GAS6: variants seen among roughly 807,000 people sequenced by gnomAD.
The protein encoded by GAS6 is growth arrest-specific protein 6.
Under a neutral mutation model 75.8 loss-of-function variants are expected in GAS6, and 41 were observed. The ratio of observed to expected loss-of-function variants is 0.54; its 90% CI spans 0.42 to 0.70. GAS6 has a LOEUF of 0.70. Among genes scored for constraint, GAS6 ranks in the 30% least tolerant of loss-of-function variants. The pLI is 0.00. For synonymous variants in GAS6, 432 were observed against 412.6 expected (o/e 1.05, Z -0.57); for missense variants, 854 against 940.2 (o/e 0.91, Z 1.20).
Position 113,863,391 on chromosome 13 carries a change from G to A in GAS6, c.255+184C>T, listed in dbSNP as rs1047239496. On this transcript the variant is annotated intron_variant, in intron 2 of 14. Transcript: ENST00000327773. The surrounding 1 kb of genome is among the most constrained non-coding windows in gnomAD (Gnocchi z 9.4). ...GCCCCGCAGCGTCTCACCGGCCTGC[G>A]CGGGGATCCCGGGGTCGCCGGGGGA... 5.9e-5 allele frequency among the ~76,000 whole-genome samples: 9 copies of A among 152,162 alleles called. No homozygotes were observed. Among genetic ancestry groups the A allele is most frequent in the African/African-American group, 1.9e-4 (8 of 41,460 alleles).
At chr13:113,861,447 C>T (rs1316895461) in intron 2 of GAS6, among the ~76,000 whole-genome samples, 1 of 152,228 alleles carries the variant, frequency 6.6e-6, no homozygotes, top group African/African-American at 2.4e-5. Flanking sequence ...AGGCCACAGC[C>T]CTTTTCCTCA....
chr13:113,830,146 T>A (rs2138627515), intron 10 of GAS6, among the ~76,000 whole-genome samples: 1 of 152,366 alleles, frequency 6.6e-6, no homozygotes, highest in East Asian at 1.9e-4. Flanking sequence ...CAGAAGAATA[T>A]CCTTCTTCCT....
chr13:113,852,397 G>A (rs1281649557), intron 2 of GAS6, among the ~76,000 whole-genome samples: 1 of 152,190 alleles, frequency 6.6e-6, no homozygotes, highest in South Asian at 2.1e-4. Flanking sequence ...CCCTGACTGT[G>A]CCCGTTGCCC....
In GAS6 at chr13:113,823,563, C is replaced by T. The variant is rs766380178; in HGVS notation, c.1478-13G>A. ...AGAGGGGTCCGCACTGCAATGAAAG[C>T]GGTGCATTATAGGGTGGTATGCACG... On this transcript the variant is annotated splice_polypyrimidine_tract_variant and intron_variant, in intron 12 of 14. Transcript: ENST00000327773. The T allele has an allele frequency of 1.7e-4, 268 of 1,604,490 alleles. No individual in the cohort carries two copies. Among genetic ancestry groups the T allele is most frequent in the Non-Finnish European group, 2.1e-4 (248 of 1,174,612 alleles).
Position 113,821,197 on chromosome 13 carries a change from A to C in GAS6, c.1883-179T>G, listed in dbSNP as rs1414416823. ...TTGGCCGCAGACCCGGCAGACAAGC[A>C]GGAGGCATCTGCCAGCCTGGGCTCT... On this transcript the variant is annotated intron_variant, in intron 14 of 14. Coordinates refer to ENST00000327773, the MANE Select transcript of GAS6 (RefSeq NM_000820.4). 1.7e-5 allele frequency: 11 copies of C among 650,180 alleles called. No homozygotes were observed. In the Admixed American group the frequency reaches 3.0e-4, roughly 18 times the overall value. The allele number at this position is 650,180 out of a possible 1,614,324, so 40.3% of individuals were successfully genotyped here.
rs1276755111 is a variant in GAS6 at position 113,820,722 on chromosome 13, A to G, written c.*142T>C. 2 of 1,004,746 alleles carry G rather than the reference A, an allele frequency of 2.0e-6. No individual in the cohort carries two copies. Among genetic ancestry groups the G allele is most frequent in the Non-Finnish European group, 2.8e-6 (2 of 706,864 alleles). 62.2% of individuals were successfully genotyped at this position (1,004,746 alleles called of 1,614,324 possible). A position where few individuals can be genotyped will look rare whatever the true frequency, so the allele number is the denominator to read the frequency against. On this transcript the variant is annotated 3_prime_UTR_variant, in exon 15 of 15. Coordinates refer to ENST00000327773, the MANE Select transcript of GAS6 (RefSeq NM_000820.4). ...GCGTCAGAGGCCCCAAGTCCATCTCACTATTTACAGATATGTTACAGGCCG... is the reference window on the plus strand; with the variant it reads ...GCGTCAGAGGCCCCAAGTCCATCTCGCTATTTACAGATATGTTACAGGCCG...
chr13:113,832,218 G>A (rs539375571), intron 10 of GAS6, 81 bp downstream of exon 10: 797 of 1,454,040 alleles, frequency 5.5e-4, no homozygotes, highest in Non-Finnish European at 7.1e-4. Flanking sequence ...ATCTCCTAAC[G>A]GTTGCATAAG....
chr13:113,858,388 AGTGT>A (rs761909539), intron 2 of GAS6, among the ~76,000 whole-genome samples: 32 of 149,240 alleles, frequency 2.1e-4, no homozygotes, highest in Non-Finnish European at 4.3e-4. Context: ...CATGTCTGTC[AGTGT>A]GTGTGACTGT....
At chr13:113,827,948 T>C (rs552165093) in intron 11 of GAS6, among the ~76,000 whole-genome samples, 23 of 152,280 alleles carry the variant, frequency 1.5e-4, no homozygotes, top group African/African-American at 5.5e-4. Flanking sequence ...AAAATGTTCT[T>C]GGAAATTGTC....
chr13:113,839,744 G>A lies in GAS6; in HGVS notation c.450C>T (p.Gly150=), dbSNP rs775709016. ...CTCACGTACCTTTGTCGCAGAGCCG[G>A]CCCCCCCAGCCAGCTTTACACAGGC... ...FFCLCKAGWG[G]RLCDKDVNEC... is the part of the protein sequence containing the mutation. The change falls in exon 5 of 15, where the codon GGC becomes GGT. Residue 150 remains glycine, a synonymous_variant. Coordinates refer to ENST00000327773, the MANE Select transcript of GAS6 (RefSeq NM_000820.4). 2 of 1,613,516 alleles carry A rather than the reference G, an allele frequency of 1.2e-6. No individual in the cohort carries two copies. Among genetic ancestry groups the A allele is most frequent in the South Asian group, 2.2e-5 (2 of 91,062 alleles).
chr13:113,823,778 A>G (rs2051493615), intron 12 of GAS6, among the ~76,000 whole-genome samples: 1 of 152,118 alleles, frequency 6.6e-6, no homozygotes, highest in Admixed American at 6.5e-5. Flanking sequence ...CCAGTACCCC[A>G]CTTCCAAATG....
chr13:113,857,596 G>C (rs1230635834), intron 2 of GAS6, among the ~76,000 whole-genome samples: 2 of 152,184 alleles, frequency 1.3e-5, no homozygotes, highest in Non-Finnish European at 2.9e-5. Context: ...CCTGTCAATC[G>C]CTCTGGGGTA....
chr13:113,846,700 G>T, intron 3 of GAS6, 111 bp from the exon 4 acceptor site: 1 of 832,208 alleles, frequency 1.2e-6, no homozygotes, highest in Non-Finnish European at 2.0e-6. Flanking sequence ...TACCTGGGGT[G>T]CTATCATCCT....
At position 113,838,174 on chromosome 13, in the gene GAS6, G is replaced by T. The variant is rs1371790339; in HGVS notation, c.484C>A (p.Gln162Lys). The change falls in exon 6 of 15, where the codon CAG (glutamine) becomes AAG (lysine). Residue 162 changes from glutamine (Q) to lysine (K), a missense_variant. Physicochemically the swap from Gln to Lys is moderately conservative, Grantham distance 53 (BLOSUM62 1). Transcript: ENST00000327773. ...ATCTGGAGGCAGCCCCCGTTCTCCT[G>T]GCTGCATTCGTTGACATCTGGGAAC... Reference protein sequence around the residue: ...LCDKDVNECSQENGGCLQICH... With the variant: ...LCDKDVNECSKENGGCLQICH... 3 of 1,612,672 alleles carry T rather than the reference G, an allele frequency of 1.9e-6. No homozygotes were observed. The highest frequency in any genetic ancestry group is 2.5e-6 in the Non-Finnish European group (3 of 1,179,890).
chr13:113,821,045 T>C (rs765827654), intron 14 of GAS6, 27 bp from the exon 15 acceptor site: 1 of 1,601,838 alleles, frequency 6.2e-7, no homozygotes, highest in Admixed American at 1.7e-5. Flanking sequence ...GAACAACATA[T>C]CTTAGCTCAC....
Position 113,863,542 on chromosome 13 carries a change from G to T in GAS6, c.255+33C>A. 1 of 1,492,138 alleles carries T rather than the reference G, an allele frequency of 6.7e-7. No individual in the cohort carries two copies. Among genetic ancestry groups the T allele is most frequent in the East Asian group, 2.9e-5 (1 of 34,494 alleles). The allele number at this position is 1,492,138 out of a possible 1,614,324, so 92.4% of individuals were successfully genotyped here. ...CGGTTGGAGGCGCGCGGGCGCCAGG[G>T]GTTCCCCCGCATCCCGCCCGCCGGC... On this transcript the variant is annotated intron_variant, in intron 2 of 14. Coordinates refer to ENST00000327773, the MANE Select transcript of GAS6 (RefSeq NM_000820.4). The surrounding 1 kb of genome is among the most constrained non-coding windows in gnomAD (Gnocchi z 9.4).
At chr13:113,838,314 C>T in intron 5 of GAS6, 123 bp from the exon 6 acceptor site, 1 of 1,202,252 alleles carries the variant, frequency 8.3e-7, no homozygotes. Context: ...AGGTGCACAG[C>T]CCAGCCCTGG....
At chr13:113,833,213 T>G (rs2051651961) in intron 8 of GAS6, 2 of 1,092,224 alleles carry the variant, frequency 1.8e-6, no homozygotes, top group Non-Finnish European at 2.2e-6. Context: ...CCCTGGAAGA[T>G]GGAGGGGCTG....
chr13:113,832,873 C>T lies in GAS6; in HGVS notation c.835-121G>A, dbSNP rs574448418. ...TCCTGTGCCTCGGGAGTGGCCACCC[C>T]GCCTCTAGCTGCTGAGACCCCAGAG... On this transcript the variant is annotated intron_variant, in intron 8 of 14. Coordinates refer to ENST00000327773, the MANE Select transcript of GAS6 (RefSeq NM_000820.4). 52 of 1,562,540 alleles carry T rather than the reference C, an allele frequency of 3.3e-5. No homozygotes were observed. In the South Asian group the frequency reaches 4.0e-4, roughly 12 times the overall value.
Sources: allele counts gnomAD v4.1 joint callset (sites outside exome capture counted in the v4.1 genomes callset), GRCh38; gene constraint gnomAD v4.1.1; non-coding constraint Gnocchi (gnomAD v3.1); transcripts MANE v1.5; gene names NCBI Gene and HGNC (gene_info 2026-07-23, HGNC 2026-07-21).